RBM18: variants seen among roughly 807,000 people sequenced by gnomAD.
The protein encoded by RBM18 is RNA binding motif protein 18.
In RBM18, 18 loss-of-function variants were observed where a neutral mutation model predicts 26.4. The observed-to-expected ratio is 0.68, with a 90% CI of 0.47 to 1.01. RBM18 has a LOEUF of 1.01. Among genes scored for constraint, RBM18 ranks in the 50% least tolerant of loss-of-function variants. The probability of loss-of-function intolerance (pLI) is 0.00; values close to 1 mark genes in which losing one functional copy is unlikely to be tolerated. For synonymous variants in RBM18, 74 were observed against 81.1 expected (o/e 0.91, Z 0.47); for missense variants, 180 against 219.2 (o/e 0.82, Z 1.13).
chr9:122,250,378 C>T (rs916069690), intron 3 of RBM18, among the ~76,000 whole-genome samples: 2 of 152,190 alleles, frequency 1.3e-5, no homozygotes, highest in Non-Finnish European at 2.9e-5. Flanking sequence ...TAAAAATACT[C>T]ACTCTTGTGA....
intron 3 of RBM18, among the ~76,000 whole-genome samples, chr9:122,251,265 C>A (rs559425261): frequency 6.6e-6 from 1 of 152,122 alleles, no homozygotes; most frequent in Non-Finnish European, 1.5e-5. Flanking sequence ...AAGTACTATG[C>A]GGCATCTCTA....
At chr9:122,245,827 A>C (rs1278144617) in intron 4 of RBM18, among the ~76,000 whole-genome samples, 1 of 151,852 alleles carries the variant, frequency 6.6e-6, no homozygotes, top group East Asian at 1.9e-4. Flanking sequence ...TAAAAAAAAA[A>C]AACAAAAAAC....
chr9:122,263,187 C>T (rs529586138), intron 1 of RBM18, among the ~76,000 whole-genome samples: 1 of 152,330 alleles, frequency 6.6e-6, no homozygotes, highest in Non-Finnish European at 1.5e-5. Flanking sequence ...AAGTCTAGCA[C>T]AGCAGTCCCT....
In RBM18 at chr9:122,241,862, C is replaced by T; in HGVS notation, c.*22G>A. ...AGGTGTGGAGACCAATTTGCTTTTG[C>T]TGCTACAGTAATTCACAACCATCAT... On this transcript the variant is annotated 3_prime_UTR_variant, in exon 6 of 6. Transcript: ENST00000417201. The T allele has an allele frequency of 6.2e-7, 1 of 1,608,612 alleles. No homozygotes were observed. The highest frequency in any genetic ancestry group is 2.2e-5 in the East Asian group (1 of 44,812).
chr9:122,253,098 A>G (rs1831632016), intron 2 of RBM18, among the ~76,000 whole-genome samples: 1 of 152,208 alleles, frequency 6.6e-6, no homozygotes, highest in Non-Finnish European at 1.5e-5. Context: ...CCCACATGCT[A>G]AATCTGTTAT....
At chr9:122,250,249 C>T (rs1831578936) in intron 3 of RBM18, among the ~76,000 whole-genome samples, 1 of 152,112 alleles carries the variant, frequency 6.6e-6, no homozygotes, top group Non-Finnish European at 1.5e-5. Flanking sequence ...AATCTCAGAA[C>T]ATACTGATAT....
In RBM18 at chr9:122,241,855, G is replaced by A; in HGVS notation, c.*29C>T. ...CGATTTTAGGTGTGGAGACCAATTT[G>A]CTTTTGCTGCTACAGTAATTCACAA... On this transcript the variant is annotated 3_prime_UTR_variant, in exon 6 of 6. Coordinates refer to ENST00000417201, the MANE Select transcript of RBM18 (RefSeq NM_033117.4). The A allele has an allele frequency of 6.2e-7, 1 of 1,606,692 alleles. No individual in the cohort carries two copies. Among genetic ancestry groups the A allele is most frequent in the Non-Finnish European group, 8.5e-7 (1 of 1,175,936 alleles).
intron 2 of RBM18, 99 bp downstream of exon 2, chr9:122,261,281 G>T: frequency 1.3e-6 from 1 of 796,076 alleles, no homozygotes; most frequent in South Asian, 1.5e-5. Flanking sequence ...AAGTAAAAGG[G>T]TCTAAGTATA....
rs1360574343 is a variant in RBM18, at chr9:122,240,778, A to T, written c.*1106T>A. On this transcript the variant is annotated 3_prime_UTR_variant, in exon 6 of 6. Coordinates refer to ENST00000417201, the MANE Select transcript of RBM18 (RefSeq NM_033117.4). ...GGCAAGTATGTTCTCCAAGTGAAGA[A>T]TCATTTCCAAGGCATGCAGTCCTTT... 1 of 152,222 alleles carries T rather than the reference A, an allele frequency of 6.6e-6. No homozygotes were observed. The highest frequency in any genetic ancestry group is 1.5e-5 in the Non-Finnish European group (1 of 68,038). The allele number at this position is 152,222 out of a possible 1,614,324, so 9.4% of individuals were successfully genotyped here. A position where few individuals can be genotyped will look rare whatever the true frequency, so the allele number is the denominator to read the frequency against.
intron 2 of RBM18, among the ~76,000 whole-genome samples, chr9:122,255,287 C>A (rs1831672720): frequency 6.6e-6 from 1 of 152,018 alleles, no homozygotes; most frequent in African/African-American, 2.4e-5. Context: ...TTCATGTAAA[C>A]CAAGACATAA....
chr9:122,247,443 G>A (rs1831522117), intron 4 of RBM18, 75 bp downstream of exon 4: 8 of 1,227,874 alleles, frequency 6.5e-6, no homozygotes, highest in South Asian at 3.6e-5. Flanking sequence ...GGACATAAAC[G>A]GGTAAGTGGA....
chr9:122,264,810 G>T lies in RBM18; in HGVS notation c.-112C>A, dbSNP rs994051983. 1 of 152,392 alleles carries T rather than the reference G, an allele frequency of 6.6e-6. No homozygotes were observed. Among genetic ancestry groups the T allele is most frequent in the African/African-American group, 2.4e-5 (1 of 41,456 alleles). The allele number at this position is 152,392 out of a possible 1,614,324, so 9.4% of individuals were successfully genotyped here. A position where few individuals can be genotyped will look rare whatever the true frequency, so the allele number is the denominator to read the frequency against. Reference sequence around the variant, plus strand: ...CTCTAGACGCGTCCGCCTCAATGCCGCCAGCTGCCAGGCCGCCCGTGACGC... The same window carrying T: ...CTCTAGACGCGTCCGCCTCAATGCCTCCAGCTGCCAGGCCGCCCGTGACGC... On this transcript the variant is annotated 5_prime_UTR_variant, in exon 1 of 6. Transcript: ENST00000417201.
intron 4 of RBM18, among the ~76,000 whole-genome samples, chr9:122,247,100 G>A (rs758364940): frequency 2.0e-5 from 3 of 152,128 alleles, no homozygotes; most frequent in Non-Finnish European, 4.4e-5. Context: ...AGCACTCACA[G>A]AAACTACCCA....
chr9:122,248,415 G>GA (rs1831541127), intron 3 of RBM18, among the ~76,000 whole-genome samples: 1 of 152,102 alleles, frequency 6.6e-6, no homozygotes, highest in African/African-American at 2.4e-5. Context: ...AAGGGCCCTG[G>GA]AACCATATCC....
chr9:122,243,524 A>T (rs1831457732), intron 5 of RBM18, among the ~76,000 whole-genome samples: 1 of 152,134 alleles, frequency 6.6e-6, no homozygotes. Context: ...TTTGATTGAG[A>T]TCATTGCTAT....
chr9:122,261,641 C>T (rs1192474904), intron 1 of RBM18, 133 bp from the exon 2 acceptor site: 3 of 626,824 alleles, frequency 4.8e-6, no homozygotes, highest in Non-Finnish European at 8.4e-6. Flanking sequence ...CTCAGTGATT[C>T]CACAACCAGG....
intron 1 of RBM18, among the ~76,000 whole-genome samples, chr9:122,262,133 A>G (rs1831808550): frequency 6.6e-6 from 1 of 152,232 alleles, no homozygotes; most frequent in Admixed American, 6.5e-5. Flanking sequence ...AAAGACAGTA[A>G]AAAAATCACT....
rs530357909 is a variant in RBM18 at position 122,237,699 on chromosome 9, T to C, written c.*4185A>G. The C allele has an allele frequency of 6.6e-6, 1 of 152,348 alleles. No homozygotes were observed. The highest frequency in any genetic ancestry group is 6.5e-5 in the Admixed American group (1 of 15,306). The allele number at this position is 152,348 out of a possible 1,614,324, so 9.4% of individuals were successfully genotyped here. Reference sequence around the variant, plus strand: ...AGAATTTTAGAAAACACATTTCCAGTCATGGAATATTGTTTAGAGTAGGGT... The same window carrying C: ...AGAATTTTAGAAAACACATTTCCAGCCATGGAATATTGTTTAGAGTAGGGT... On this transcript the variant is annotated 3_prime_UTR_variant, in exon 6 of 6. Transcript: ENST00000417201.
Position 122,245,281 on chromosome 9 carries a change from T to C in RBM18, c.388A>G (p.Thr130Ala), listed in dbSNP as rs773573134. The change falls in exon 5 of 6, where the codon ACT becomes GCT. Residue 130 changes from threonine to alanine, a missense_variant. Thr to Ala is a moderately conservative substitution (Grantham distance 58). Coordinates refer to ENST00000417201, the MANE Select transcript of RBM18 (RefSeq NM_033117.4). ...CTTAGGTTAGACTGAGTAGGCTCAG[T>C]GCTTGAGGATGGCTCGAGACTGATT... is the stretch of plus-strand genomic sequence containing the variant. ...LPISLEPSSS[T>A]EPTQSNLSVT... 6.2e-7 allele frequency: 1 copy of C among 1,608,676 alleles called. No homozygotes were observed. The highest frequency in any genetic ancestry group is 8.5e-7 in the Non-Finnish European group (1 of 1,175,004).
Sources: allele counts gnomAD v4.1 joint callset (sites outside exome capture counted in the v4.1 genomes callset), GRCh38; gene constraint gnomAD v4.1.1; transcripts MANE v1.5; gene names NCBI Gene and HGNC (gene_info 2026-07-23, HGNC 2026-07-21).